Variants in NGLY1 observed in about 807,000 individuals in gnomAD.
NGLY1 encodes the protein peptide-N(4)-(N-acetyl-beta-glucosaminyl)asparagine amidase.
In NGLY1, 68 loss-of-function variants were observed where a neutral mutation model predicts 84.6. That is an observed-to-expected ratio of 0.80 (90% CI 0.66 to 0.98). The LOEUF is 0.98. NGLY1 is among the 50% of genes least tolerant of loss of function. The probability of loss-of-function intolerance (pLI) is 0.00; values close to 1 mark genes in which losing one functional copy is unlikely to be tolerated. For missense variants in NGLY1, 779 were observed against 770.2 expected (o/e 1.01, Z -0.14); for synonymous variants, 280 against 275.2 (o/e 1.02, Z -0.17).
intron 2 of NGLY1, among the ~76,000 whole-genome samples, chr3:25,764,876 C>T (rs543410476): frequency 2.0e-5 from 3 of 152,250 alleles, no homozygotes; most frequent in South Asian, 4.2e-4. Context: ...GAAAAGTACA[C>T]CCTGATAGTC....
In NGLY1 at chr3:25,754,921, T is replaced by G. The variant is rs962260915; in HGVS notation, c.493-3658A>C. ...TCTCTCCGGATAACGAGTGGCTGGATAACATGGAATTGGGCAAGATGGCAC... is the reference window on the plus strand; with the variant it reads ...TCTCTCCGGATAACGAGTGGCTGGAGAACATGGAATTGGGCAAGATGGCAC... On this transcript the variant is annotated intron_variant, in intron 3 of 11. Transcript: ENST00000280700. 2.4e-5 allele frequency: 17 copies of G among 707,934 alleles called. No homozygotes were observed. The African/African-American group carries it at 2.5e-4, about 10-fold the overall frequency. The allele number at this position is 707,934 out of a possible 1,614,324, so 43.9% of individuals were successfully genotyped here.
intron 1 of NGLY1, 21 bp from the exon 2 acceptor site, chr3:25,778,709 G>C: frequency 1.4e-6 from 2 of 1,450,378 alleles, no homozygotes; most frequent in Non-Finnish European, 1.9e-6. Context: ...ACAAAAGTTT[G>C]ATTATATATA....
intron 4 of NGLY1, among the ~76,000 whole-genome samples, chr3:25,743,174 C>T (rs1471213486): frequency 6.6e-6 from 1 of 152,160 alleles, no homozygotes; most frequent in African/African-American, 2.4e-5. Flanking sequence ...CCAAAAGAAG[C>T]ATGGCTCTGG....
chr3:25,723,713 G>A (rs942382354), intron 10 of NGLY1, among the ~76,000 whole-genome samples: 2 of 151,936 alleles, frequency 1.3e-5, no homozygotes, highest in East Asian at 3.8e-4. Context: ...AACATCGTGA[G>A]TTATTTGATA....
rs947824898 is a variant in NGLY1 at position 25,789,982 on chromosome 3, C to T, written c.-117G>A. The T allele has an allele frequency of 1.1e-5, 14 of 1,318,904 alleles. No homozygotes were observed. In the African/African-American group the frequency reaches 1.9e-4, roughly 18 times the overall value. 81.7% of individuals were successfully genotyped at this position (1,318,904 alleles called of 1,614,324 possible). A position where few individuals can be genotyped will look rare whatever the true frequency, so the allele number is the denominator to read the frequency against. ...CACGGTCTGACCTCAGCCAAGGTGA[C>T]GCGGCTTAAAGTCAACCGGCGGAAA... On this transcript the variant is annotated 5_prime_UTR_variant, in exon 1 of 12. Coordinates refer to the NGLY1 transcript ENST00000417874.
intron 3 of NGLY1, among the ~76,000 whole-genome samples, chr3:25,753,729 T>C (rs564394668): frequency 2.0e-4 from 31 of 151,872 alleles, no homozygotes; most frequent in African/African-American, 7.5e-4. Context: ...GAAAAAAAAC[T>C]TCATCTAAAC....
chr3:25,745,445 A>T (rs1369847336), intron 4 of NGLY1, among the ~76,000 whole-genome samples: 2 of 152,170 alleles, frequency 1.3e-5, no homozygotes, highest in Admixed American at 6.5e-5. Context: ...CTATGTTTTC[A>T]CTTGGCAGTC....
chr3:25,724,286 A>G (rs866094987), intron 10 of NGLY1, among the ~76,000 whole-genome samples: 1 of 152,210 alleles, frequency 6.6e-6, no homozygotes, highest in Non-Finnish European at 1.5e-5. Flanking sequence ...TCAGTTCACC[A>G]TACAGCAAGC....
intron 4 of NGLY1, among the ~76,000 whole-genome samples, chr3:25,741,121 CTG>C (rs1398230604): frequency 2.8e-5 from 4 of 142,066 alleles, no homozygotes; most frequent in African/African-American, 1.0e-4. Flanking sequence ...GAGCGAAACT[CTG>C]TCTCATTAAA....
At chr3:25,725,000 C>A (rs1329849816) in intron 10 of NGLY1, among the ~76,000 whole-genome samples, 2 of 152,148 alleles carry the variant, frequency 1.3e-5, no homozygotes, top group Non-Finnish European at 2.9e-5. Flanking sequence ...TTTCTTGGAG[C>A]TGACCATAAA....
At chr3:25,782,726 T>C (rs78160177) in intron 1 of NGLY1, 3,101 of 152,486 alleles carry the variant, frequency 0.02, 54 homozygotes, top group Admixed American at 0.03. Flanking sequence ...AATTAAAAAT[T>C]TTAAAACCCA....
chr3:25,771,266 T>C (rs932321927), intron 2 of NGLY1, among the ~76,000 whole-genome samples: 2 of 152,248 alleles, frequency 1.3e-5, no homozygotes, highest in African/African-American at 4.8e-5. Flanking sequence ...TACATGTGGC[T>C]TACCAATTAT....
At chr3:25,757,008 T>C (rs1288774698) in intron 3 of NGLY1, among the ~76,000 whole-genome samples, 1 of 152,218 alleles carries the variant, frequency 6.6e-6, no homozygotes, top group East Asian at 1.9e-4. Flanking sequence ...AACATATATT[T>C]GCAGACTTTT....
chr3:25,773,427 C>T (rs1291990724), intron 2 of NGLY1, among the ~76,000 whole-genome samples: 3 of 152,106 alleles, frequency 2.0e-5, no homozygotes, highest in South Asian at 2.1e-4. Context: ...TGAAACTTTC[C>T]GATGCATTCT....
intron 1 of NGLY1, among the ~76,000 whole-genome samples, chr3:25,789,470 A>C (rs1708674923): frequency 6.6e-6 from 1 of 152,052 alleles, no homozygotes; most frequent in Non-Finnish European, 1.5e-5. Flanking sequence ...GAAAGATCAC[A>C]ATCAGTATAC....
At chr3:25,727,771 C>T (rs1399315105) in intron 10 of NGLY1, among the ~76,000 whole-genome samples, 1 of 152,164 alleles carries the variant, frequency 6.6e-6, no homozygotes, top group African/African-American at 2.4e-5. Flanking sequence ...AGTTCTGTTT[C>T]TTGGCATATC....
chr3:25,750,308 T>C (rs914621889), intron 4 of NGLY1, among the ~76,000 whole-genome samples: 1 of 152,134 alleles, frequency 6.6e-6, no homozygotes, highest in African/African-American at 2.4e-5. Flanking sequence ...AGGATTACAA[T>C]TCAAGGTGAG....
rs1316090424 is a variant in NGLY1 at position 25,740,130 on chromosome 3, A to G, written c.659-331T>C. Among the ~76,000 whole-genome samples the G allele has an allele frequency of 2.6e-5, 4 of 152,218 alleles. 1 individual carries two copies. The East Asian group carries it at 7.7e-4, about 29-fold the overall frequency. On this transcript the variant is annotated intron_variant, in intron 4 of 11. Transcript: ENST00000280700. ...ATCCTGAAGTACAAGGGAGGTAGAA[A>G]AATAAATTTGATTTTGAAAAACATT...
upstream of NGLY1, among the ~76,000 whole-genome samples, chr3:25,787,609 C>CA (rs1410147065): frequency 6.6e-6 from 1 of 152,122 alleles, no homozygotes; most frequent in Non-Finnish European, 1.5e-5. Context: ...AGAGAGACTC[C>CA]AGTGAAGGGA....
Sources: gnomAD v4.1 joint callset for allele counts (sites outside exome capture counted in the v4.1 genomes callset) on GRCh38, gnomAD v4.1.1 for gene constraint, MANE v1.5 for transcripts, NCBI Gene and HGNC (gene_info 2026-07-23, HGNC 2026-07-21) for gene names.